MGLL: variants seen among roughly 807,000 people sequenced by gnomAD.
The protein encoded by MGLL is lysophospholipase homolog.
In MGLL, 7 loss-of-function variants were observed where a neutral mutation model predicts 29.1. That is an observed-to-expected ratio of 0.24 (90% CI 0.14 to 0.45). MGLL has a LOEUF of 0.45. Ranked by LOEUF, MGLL falls within the 20% of genes least tolerant of loss-of-function variation. The probability of loss-of-function intolerance (pLI) is 0.99; values close to 1 mark genes in which losing one functional copy is unlikely to be tolerated. For synonymous variants in MGLL, 148 were observed against 168.3 expected (o/e 0.88, Z 0.93); for missense variants, 356 against 413.6 (o/e 0.86, Z 1.21).
intron 2 of MGLL, among the ~76,000 whole-genome samples, chr3:127,797,946 T>C (rs1209795549): frequency 6.6e-6 from 1 of 152,200 alleles, no homozygotes; most frequent in Admixed American, 6.5e-5. Flanking sequence ...ATAGCATATA[T>C]TTCTCCAGTG....
In MGLL at chr3:127,690,605, G is replaced by C. The variant is rs1391885061; in HGVS notation, c.*1593C>G. 1.3e-5 allele frequency: 2 copies of C among 152,814 alleles called. No individual in the cohort carries two copies. Among genetic ancestry groups the C allele is most frequent in the Admixed American group, 1.3e-4 (2 of 15,294 alleles). The allele number at this position is 152,814 out of a possible 1,614,324, so 9.5% of individuals were successfully genotyped here. A position where few individuals can be genotyped will look rare whatever the true frequency, so the allele number is the denominator to read the frequency against. On this transcript the variant is annotated 3_prime_UTR_variant, in exon 8 of 8. Coordinates refer to ENST00000265052, the MANE Select transcript of MGLL (RefSeq NM_007283.7). The stretch of plus-strand genomic sequence containing the variant: ...GCCTAGACTTCATGTTGGGGGTCCT[G>C]GTGGGAAGTGGCCTCTCCTCTGTGG...
intron 2 of MGLL, among the ~76,000 whole-genome samples, chr3:127,782,579 C>T (rs868789475): frequency 6.6e-6 from 1 of 152,226 alleles, no homozygotes; most frequent in Non-Finnish European, 1.5e-5. Flanking sequence ...CCACCAGGGC[C>T]TGCTTCCTCC....
chr3:127,782,207 G>T (rs555613868), intron 2 of MGLL, among the ~76,000 whole-genome samples: 3 of 152,102 alleles, frequency 2.0e-5, no homozygotes, highest in Non-Finnish European at 4.4e-5. Flanking sequence ...GGGTGACAGA[G>T]CGAGACTCTG....
rs1386365409 is a variant in MGLL, at chr3:127,692,107, TTTTTTTTTG to T, written c.*82_*90del. ...CTCCAATTTCTGATTTTTTTTTTTT[TTTTTTTTTG>T]GCAAGCCATATCTGAGAAGCCATCT... On this transcript the variant is annotated 3_prime_UTR_variant, in exon 8 of 8. Transcript: ENST00000265052. The T allele has an allele frequency of 6.2e-4, 567 of 919,082 alleles. 5 individuals carry two copies. In the South Asian group the frequency reaches 6.8e-3, roughly 11 times the overall value. 56.9% of individuals were successfully genotyped at this position (919,082 alleles called of 1,614,324 possible).
intron 3 of MGLL, among the ~76,000 whole-genome samples, chr3:127,726,129 A>C (rs1421009423): frequency 3.2e-4 from 7 of 21,860 alleles, no homozygotes; most frequent in African/African-American, 1.0e-3. Flanking sequence ...GGAAAGAAAG[A>C]AAGAAAGAAA....
chr3:127,737,768 C>T (rs1208365862), intron 3 of MGLL, among the ~76,000 whole-genome samples: 2 of 150,798 alleles, frequency 1.3e-5, no homozygotes, highest in Non-Finnish European at 2.9e-5. Flanking sequence ...CCTCAGCCTC[C>T]CAAGTAGCTG....
chr3:127,708,235 C>T lies in MGLL; in HGVS notation c.600+2341G>A, dbSNP rs558331072. Among the ~76,000 whole-genome samples the T allele has an allele frequency of 1.9e-3, 285 of 152,344 alleles. 2 individuals are homozygous for T. The highest frequency in any genetic ancestry group is 5.6e-3 in the African/African-American group (232 of 41,580). ...GCTCAGCAGAACGTTCAGAGGGAGA[C>T]GCAGAGCTGCGGCAGGCGAGGGAGG... is the stretch of plus-strand genomic sequence containing the variant. On this transcript the variant is annotated intron_variant, in intron 6 of 7. Transcript: ENST00000265052.
At chr3:127,740,592 G>A (rs751258078) in intron 3 of MGLL, among the ~76,000 whole-genome samples, 52 of 152,192 alleles carry the variant, frequency 3.4e-4, no homozygotes, top group Admixed American at 7.2e-4. Context: ...AGTTCTGTGG[G>A]GGTTGTGCAG....
chr3:127,692,705 C>G (rs185222547), intron 7 of MGLL, among the ~76,000 whole-genome samples: 1 of 152,198 alleles, frequency 6.6e-6, no homozygotes, highest in African/African-American at 2.4e-5. Flanking sequence ...CTTCCACTCC[C>G]GCCAACCCAC....
chr3:127,801,792 TATATC>T lies in MGLL; in HGVS notation c.155+19897_156-19898del, dbSNP rs1487017735. Among the ~76,000 whole-genome samples the T allele has an allele frequency of 7.4e-5, 11 of 148,044 alleles. No homozygotes were observed. The East Asian group carries it at 1.2e-3, about 16-fold the overall frequency. On this transcript the variant is annotated intron_variant, in intron 2 of 7. Transcript: ENST00000265052. ...TATGTATTTATAATAATATAATAAA[TATATC>T]ATATATTTTATAATATAAAATATTT...
rs568315119 is a variant in MGLL, at chr3:127,763,790, C to T, written c.262+17999G>A. ...CCTCAAACTCTCCCAGAGACTGAAC[C>T]CCTGTGTGGGGGAGGGGGAGGTAAG... On this transcript the variant is annotated intron_variant, in intron 3 of 7. Transcript: ENST00000265052. Among the ~76,000 whole-genome samples the T allele has an allele frequency of 4.6e-5, 7 of 152,300 alleles. No individual in the cohort carries two copies. The South Asian group carries it at 8.3e-4, about 18-fold the overall frequency.
chr3:127,819,394 G>T (rs1255956418), intron 2 of MGLL, among the ~76,000 whole-genome samples: 2 of 152,194 alleles, frequency 1.3e-5, no homozygotes, highest in South Asian at 2.1e-4. Flanking sequence ...AGGCCCCCGG[G>T]GTGGCTTCTG....
intron 2 of MGLL, among the ~76,000 whole-genome samples, chr3:127,787,816 T>C (rs1376293081): frequency 6.6e-6 from 1 of 152,270 alleles, no homozygotes; most frequent in African/African-American, 2.4e-5. Context: ...CTGCCAAATT[T>C]TATGACTTTA....
chr3:127,822,634 A>C (rs2077884353), upstream of MGLL: 1 of 418,242 alleles, frequency 2.4e-6, no homozygotes, highest in Non-Finnish European at 4.3e-6. Context: ...GGGCCCGGGA[A>C]ACTGGGAAAC....
Position 127,822,413 on chromosome 3 carries a change from G to A in MGLL, c.-95C>T. The A allele has an allele frequency of 1.5e-6, 2 of 1,331,746 alleles. No homozygotes were observed. The highest frequency in any genetic ancestry group is 1.5e-5 in the African/African-American group (1 of 68,778). 82.5% of individuals were successfully genotyped at this position (1,331,746 alleles called of 1,614,324 possible). A position where few individuals can be genotyped will look rare whatever the true frequency, so the allele number is the denominator to read the frequency against. The stretch of plus-strand genomic sequence containing the variant: ...CCCTCATCTGGGCGGCCCCAAGGCA[G>A]CAGGAAGGCAGCTCCGAGCCCTCTT... On this transcript the variant is annotated 5_prime_UTR_variant, in exon 1 of 8. Coordinates refer to ENST00000265052, the MANE Select transcript of MGLL (RefSeq NM_007283.7).
chr3:127,697,508 C>A (rs1311400226), intron 6 of MGLL, among the ~76,000 whole-genome samples: 1 of 152,114 alleles, frequency 6.6e-6, no homozygotes, highest in Non-Finnish European at 1.5e-5. Context: ...AACCTGCCTG[C>A]TGTTAGTTGC....
At chr3:127,754,801 C>T (rs986876939) in intron 3 of MGLL, among the ~76,000 whole-genome samples, 6 of 152,212 alleles carry the variant, frequency 3.9e-5, no homozygotes, top group Admixed American at 3.9e-4. Flanking sequence ...GAAAACCACA[C>T]CAGAGAGCGA....
chr3:127,803,749 T>C (rs1394567444), intron 2 of MGLL, among the ~76,000 whole-genome samples: 1 of 152,188 alleles, frequency 6.6e-6, no homozygotes, highest in Non-Finnish European at 1.5e-5. Context: ...GGAAGTTTGA[T>C]GTCACAGCAT....
At chr3:127,779,603 A>G (rs2077089831) in intron 3 of MGLL, among the ~76,000 whole-genome samples, 1 of 152,040 alleles carries the variant, frequency 6.6e-6, no homozygotes, top group African/African-American at 2.4e-5. Flanking sequence ...TGTGGGCTCC[A>G]GGCCTTATTA....
Sources: gnomAD v4.1 joint callset for allele counts (sites outside exome capture counted in the v4.1 genomes callset) on GRCh38, gnomAD v4.1.1 for gene constraint, MANE v1.5 for transcripts, NCBI Gene and HGNC (gene_info 2026-07-23, HGNC 2026-07-21) for gene names.